Variants in XKR9 observed in about 807,000 individuals in gnomAD.
XKR9 encodes the protein XK related 9, also known as XK-related protein 9.
A neutral mutation model predicts 32.0 loss-of-function variants in XKR9; 32 were observed. The ratio of observed to expected loss-of-function variants is 1.00; its 90% CI spans 0.76 to 1.34. The LOEUF is 1.34. Ranked by LOEUF, XKR9 falls within the 40% of genes most tolerant of loss-of-function variation. XKR9 has a pLI of 0.00. For missense variants in XKR9, 546 were observed against 429.7 expected, an observed-to-expected ratio of 1.27 and a Z score of -2.39; for synonymous variants, 168 against 143.4, an observed-to-expected ratio of 1.17 and a Z score of -1.22.
intron 2 of XKR9, among the ~76,000 whole-genome samples, chr8:70,770,922 T>C (rs1180330504): frequency 6.6e-6 from 1 of 152,166 alleles, no homozygotes. Flanking sequence ...TAGTGAATGC[T>C]TCTTGTCTTG....
the XKR9 span, among the ~76,000 whole-genome samples, chr8:70,928,075 C>T: frequency 2.1e-4 from 32 of 152,192 alleles, no homozygotes; most frequent in Non-Finnish European, 1.5e-5. Flanking sequence ...CAGGGTCTTG[C>T]TCTGTCAACC....
the XKR9 span, among the ~76,000 whole-genome samples, chr8:70,955,501 G>A: frequency 6.6e-6 from 1 of 152,206 alleles, no homozygotes; most frequent in Non-Finnish European, 1.5e-5. Flanking sequence ...TTAGGGCAGG[G>A]AACTTAAGTG....
chr8:70,696,432 A>G (rs934452096), intron 3 of XKR9, among the ~76,000 whole-genome samples: 2 of 151,592 alleles, frequency 1.3e-5, no homozygotes, highest in African/African-American at 4.8e-5. Flanking sequence ...CCATTTATTA[A>G]ATAGGGAATC....
the XKR9 span, among the ~76,000 whole-genome samples, chr8:70,856,202 G>A: frequency 2.6e-5 from 4 of 152,142 alleles, no homozygotes; most frequent in African/African-American, 4.8e-5. Flanking sequence ...AAAGAGTGAA[G>A]ACCCATCAGT....
At chr8:70,943,346 T>C in the XKR9 span, among the ~76,000 whole-genome samples, 1 of 152,254 alleles carries the variant, frequency 6.6e-6, no homozygotes, top group Admixed American at 6.5e-5. Flanking sequence ...TAAGGCTTTT[T>C]GGCTGCAAAA....
chr8:71,024,835 C>T, the XKR9 span, among the ~76,000 whole-genome samples: 3 of 152,290 alleles, frequency 2.0e-5, no homozygotes, highest in African/African-American at 7.2e-5. Context: ...CTTGTCACTT[C>T]TCTGCTGAAT....
chr8:70,743,899 T>C (rs1311715682), intron 2 of XKR9, among the ~76,000 whole-genome samples: 2 of 151,712 alleles, frequency 1.3e-5, no homozygotes, highest in East Asian at 3.9e-4. Context: ...GTCTGCTTGC[T>C]TTTTTTTGCT....
the XKR9 span, among the ~76,000 whole-genome samples, chr8:70,856,256 A>G: frequency 6.6e-6 from 1 of 152,210 alleles, no homozygotes; most frequent in Non-Finnish European, 1.5e-5. Context: ...AGACACACAT[A>G]GGCTCAAAAT....
At chr8:71,055,407 T>C in the XKR9 span, among the ~76,000 whole-genome samples, 4 of 152,210 alleles carry the variant, frequency 2.6e-5, no homozygotes, top group African/African-American at 9.7e-5. Context: ...TCAATTGTCT[T>C]GTGAGATTAT....
chr8:70,687,388 T>TC (rs1491495662), intron 3 of XKR9, among the ~76,000 whole-genome samples: 4 of 124,124 alleles, frequency 3.2e-5, no homozygotes, highest in East Asian at 3.6e-4. Flanking sequence ...TTTCTTTCTC[T>TC]TTCTCTTTCT....
At chr8:70,743,843 C>G (rs1452731090) in intron 2 of XKR9, among the ~76,000 whole-genome samples, 2 of 152,042 alleles carry the variant, frequency 1.3e-5, no homozygotes, top group African/African-American at 4.8e-5. Flanking sequence ...GGGGTCTGCT[C>G]TCACTCAGTG....
chr8:70,841,737 C>T, the XKR9 span, among the ~76,000 whole-genome samples: 3 of 152,110 alleles, frequency 2.0e-5, no homozygotes, highest in Admixed American at 6.5e-5. Context: ...CAAATTTTGG[C>T]AAAAATATCA....
At chr8:70,850,750 A>G in the XKR9 span, among the ~76,000 whole-genome samples, 19 of 152,274 alleles carry the variant, frequency 1.2e-4, no homozygotes, top group Non-Finnish European at 1.8e-4. Context: ...AGCTAAAAAC[A>G]CTTGGTAAAC....
the XKR9 span, among the ~76,000 whole-genome samples, chr8:70,927,714 G>A: frequency 6.6e-6 from 1 of 152,128 alleles, no homozygotes; most frequent in African/African-American, 2.4e-5. Flanking sequence ...CCTGCCTGTT[G>A]ATACCACCAC....
the XKR9 span, among the ~76,000 whole-genome samples, chr8:70,845,939 A>T: frequency 6.6e-6 from 1 of 152,270 alleles, no homozygotes; most frequent in African/African-American, 2.4e-5. Flanking sequence ...ACATACAATT[A>T]TAAGAAGCTT....
rs149972300 is a variant in XKR9 at position 70,762,280 on chromosome 8, T to C, written n.353-27059T>C. 9.8e-5 allele frequency among the ~76,000 whole-genome samples: 15 copies of C among 152,300 alleles called. No individual in the cohort carries two copies. In the East Asian group the frequency reaches 2.5e-3, roughly 25 times the overall value. On this transcript the variant is annotated intron_variant and non_coding_transcript_variant, in intron 2 of 3. Coordinates refer to the XKR9 transcript ENST00000520273. ...AACTATATAATCATTAAACAATCAC[T>C]TTCCATTCCCTCTTTTTCCAGCCCC...
the XKR9 span, among the ~76,000 whole-genome samples, chr8:70,905,327 T>C: frequency 6.6e-6 from 1 of 152,178 alleles, no homozygotes; most frequent in Non-Finnish European, 1.5e-5. Flanking sequence ...TTCTTTTTAC[T>C]CCTTTTTCTC....
the XKR9 span, among the ~76,000 whole-genome samples, chr8:71,061,158 G>A: frequency 1.3e-5 from 2 of 152,260 alleles, no homozygotes; most frequent in South Asian, 4.1e-4. Context: ...GATGGTCAAG[G>A]TTACATACTA....
At chr8:71,001,988 G>A in the XKR9 span, among the ~76,000 whole-genome samples, 1 of 152,060 alleles carries the variant, frequency 6.6e-6, no homozygotes. Flanking sequence ...AGATTAGTTT[G>A]GGTTCCACTT....
Sources: gnomAD v4.1 joint callset for allele counts (sites outside exome capture counted in the v4.1 genomes callset) on GRCh38, gnomAD v4.1.1 for gene constraint, MANE v1.5 for transcripts, NCBI Gene and HGNC (gene_info 2026-07-23, HGNC 2026-07-21) for gene names.